PLA2G4A: variants seen among roughly 807,000 people sequenced by gnomAD.
PLA2G4A encodes cytosolic phospholipase A2.
Under a neutral mutation model 81.9 loss-of-function variants are expected in PLA2G4A, and 40 were observed. The ratio of observed to expected loss-of-function variants is 0.49; its 90% CI spans 0.38 to 0.64. The LOEUF is 0.64. Among genes scored for constraint, PLA2G4A ranks in the 30% least tolerant of loss-of-function variants. PLA2G4A has a pLI of 0.00. For missense variants in PLA2G4A, 715 were observed against 905.1 expected (o/e 0.79, Z 2.69); for synonymous variants, 302 against 296.9 (o/e 1.02, Z -0.18).
intron 10 of PLA2G4A, among the ~76,000 whole-genome samples, chr1:186,944,829 TA>T (rs1200684986): frequency 2.6e-5 from 4 of 152,158 alleles, no homozygotes. Context: ...TAATCAGTGA[TA>T]TTTCTCCAAT....
intron 9 of PLA2G4A, among the ~76,000 whole-genome samples, chr1:186,939,512 A>T (rs1403656083): frequency 2.9e-5 from 4 of 138,078 alleles, no homozygotes; most frequent in East Asian, 4.3e-4. Flanking sequence ...AAAAAAAAAA[A>T]ATTCACATTT....
At chr1:186,937,437 G>A (rs937579756) in intron 8 of PLA2G4A, among the ~76,000 whole-genome samples, 4 of 134,082 alleles carry the variant, frequency 3.0e-5, no homozygotes, top group Non-Finnish European at 4.6e-5. Flanking sequence ...AGTATTCAAA[G>A]CTGCATTTTT....
chr1:186,894,382 A>T (rs1402808655), intron 5 of PLA2G4A, among the ~76,000 whole-genome samples, 171 bp downstream of exon 5: 1 of 152,208 alleles, frequency 6.6e-6, no homozygotes, highest in African/African-American at 2.4e-5. Context: ...TTTAAAAATT[A>T]TTCTGACATC....
chr1:186,938,661 C>T (rs574492256), intron 8 of PLA2G4A, among the ~76,000 whole-genome samples: 1 of 152,276 alleles, frequency 6.6e-6, no homozygotes, highest in South Asian at 2.1e-4. Flanking sequence ...AATTCATTTA[C>T]ATGACTCAGA....
At chr1:186,949,844 A>G (rs1021884926) in intron 12 of PLA2G4A, among the ~76,000 whole-genome samples, 5 of 137,772 alleles carry the variant, frequency 3.6e-5, no homozygotes, top group Non-Finnish European at 4.6e-5. Flanking sequence ...CAATAGAGTG[A>G]GACTTCATTT....
At chr1:186,976,293 CAG>C (rs1657528037) in intron 15 of PLA2G4A, among the ~76,000 whole-genome samples, 1 of 152,192 alleles carries the variant, frequency 6.6e-6, no homozygotes, top group Admixed American at 6.5e-5. Flanking sequence ...ATTCTAGTGA[CAG>C]TATCCCCAAA....
chr1:186,850,886 A>G (rs1028080074), intron 1 of PLA2G4A, among the ~76,000 whole-genome samples: 2 of 152,060 alleles, frequency 1.3e-5, no homozygotes, highest in African/African-American at 4.8e-5. Context: ...TAAGTGGCAA[A>G]TATATAAAAA....
intron 6 of PLA2G4A, among the ~76,000 whole-genome samples, chr1:186,909,244 G>C (rs1558426099): frequency 6.6e-6 from 1 of 150,688 alleles, no homozygotes; most frequent in Non-Finnish European, 1.5e-5. Flanking sequence ...AAAGTGCTGG[G>C]ATTACAGGCA....
chr1:186,955,311 A>G (rs1166370610), intron 13 of PLA2G4A, among the ~76,000 whole-genome samples: 1 of 148,946 alleles, frequency 6.7e-6, no homozygotes, highest in African/African-American at 2.4e-5. Flanking sequence ...AGTAGCAAAT[A>G]TATGTTGAAT....
At chr1:186,893,988 TTAAATATCATTTGAGA>T in intron 4 of PLA2G4A, 94 bp from the exon 5 acceptor site, 3 of 705,214 alleles carry the variant, frequency 4.3e-6, no homozygotes, top group Non-Finnish European at 7.8e-6. Flanking sequence ...TCAAGGACTC[TTAAATATCATTTGAGA>T]GCTTCATTTT....
chr1:186,972,987 C>T (rs1657408600), intron 15 of PLA2G4A, among the ~76,000 whole-genome samples: 1 of 152,216 alleles, frequency 6.6e-6, no homozygotes, highest in Non-Finnish European at 1.5e-5. Flanking sequence ...TGGCCCACAT[C>T]ACAGCCAAAT....
intron 17 of PLA2G4A, among the ~76,000 whole-genome samples, chr1:186,981,155 G>A (rs922008245): frequency 4.6e-5 from 7 of 151,860 alleles, no homozygotes; most frequent in Non-Finnish European, 7.4e-5. Flanking sequence ...TTTCCAGTAT[G>A]AGCCAATAAA....
chr1:186,930,878 G>A (rs1004254194), intron 7 of PLA2G4A, among the ~76,000 whole-genome samples: 4 of 152,016 alleles, frequency 2.6e-5, no homozygotes, highest in African/African-American at 9.7e-5. Flanking sequence ...GCCTATCTTG[G>A]CCTGAACCTT....
intron 8 of PLA2G4A, among the ~76,000 whole-genome samples, chr1:186,934,463 T>TATATAC (rs368585350): frequency 2.1e-5 from 3 of 143,514 alleles, no homozygotes; most frequent in Non-Finnish European, 4.6e-5. Context: ...TATATATATA[T>TATATAC]ACATACACAG....
At chr1:186,833,299 G>T (rs1468057376) in intron 1 of PLA2G4A, among the ~76,000 whole-genome samples, 1 of 151,852 alleles carries the variant, frequency 6.6e-6, no homozygotes, top group Non-Finnish European at 1.5e-5. Context: ...GGAGGCTGAG[G>T]CAGGGGGATC....
intron 4 of PLA2G4A, among the ~76,000 whole-genome samples, chr1:186,893,881 G>A (rs911363029): frequency 1.5e-4 from 21 of 143,146 alleles, no homozygotes; most frequent in Non-Finnish European, 2.4e-4. Context: ...CCGAGATCCC[G>A]CCACTGCACT....
chr1:186,897,397 T>G (rs1309083481), intron 5 of PLA2G4A, among the ~76,000 whole-genome samples: 6 of 152,234 alleles, frequency 3.9e-5, no homozygotes, highest in African/African-American at 1.4e-4. Flanking sequence ...AGTCTTATTT[T>G]CTTCATCTGT....
intron 8 of PLA2G4A, 120 bp from the exon 9 acceptor site, chr1:186,938,888 A>C: frequency 1.4e-6 from 1 of 704,700 alleles, no homozygotes; most frequent in Non-Finnish European, 2.6e-6. Context: ...ATCTGCAATC[A>C]GATAATGAAG....
At chr1:186,840,686 G>T (rs1445296409) in intron 1 of PLA2G4A, among the ~76,000 whole-genome samples, 1 of 152,186 alleles carries the variant, frequency 6.6e-6, no homozygotes, top group Admixed American at 6.6e-5. Flanking sequence ...TATAAATGCT[G>T]ATAATTTTAT....
Sources: gnomAD v4.1 joint callset for allele counts (sites outside exome capture counted in the v4.1 genomes callset) on GRCh38, gnomAD v4.1.1 for gene constraint, MANE v1.5 for transcripts, NCBI Gene and HGNC (gene_info 2026-07-23, HGNC 2026-07-21) for gene names.